Variants in GABRB2 observed in about 807,000 individuals in gnomAD.
GABRB2 encodes gamma-aminobutyric acid receptor subunit beta-2.
Under a neutral mutation model 54.7 loss-of-function variants are expected in GABRB2, and 16 were observed. That is an observed-to-expected ratio of 0.29 (90% CI 0.20 to 0.44). GABRB2 has a LOEUF of 0.44. GABRB2 is among the 20% of genes least tolerant of loss of function. GABRB2 has a pLI of 1.00. For synonymous variants in GABRB2, 244 were observed against 233.8 expected (o/e 1.04, Z -0.40); for missense variants, 355 against 644.0 (o/e 0.55, Z 4.86).
chr5:161,290,734 A>G lies in GABRB2; in HGVS notation c.*3347T>C, dbSNP rs759862239. ...TTTCTTGTTGAGTATGAAGGTAATC[A>G]TTAAACTGGAACACGGTTACCTATA... On this transcript the variant is annotated 3_prime_UTR_variant, in exon 10 of 10. Transcript: ENST00000393959. 2.0e-5 allele frequency: 3 copies of G among 152,572 alleles called. No homozygotes were observed. The highest frequency in any genetic ancestry group is 2.9e-5 in the Non-Finnish European group (2 of 68,004). 9.5% of individuals were successfully genotyped at this position (152,572 alleles called of 1,614,324 possible).
At chr5:161,403,713 C>T (rs532640914) in intron 5 of GABRB2, among the ~76,000 whole-genome samples, 126 of 152,120 alleles carry the variant, frequency 8.3e-4, no homozygotes, top group African/African-American at 2.8e-3. Flanking sequence ...TGAGTAACCA[C>T]ATAATAAGAA....
chr5:161,415,030 T>C (rs1756623805), intron 4 of GABRB2, among the ~76,000 whole-genome samples: 1 of 152,192 alleles, frequency 6.6e-6, no homozygotes, highest in East Asian at 1.9e-4. Context: ...ATAAACACAG[T>C]TAATGAGCTT....
intron 5 of GABRB2, among the ~76,000 whole-genome samples, chr5:161,406,612 T>C (rs1756354687): frequency 6.6e-6 from 1 of 152,020 alleles, no homozygotes; most frequent in South Asian, 2.1e-4. Flanking sequence ...TCTAACAGAC[T>C]TCATGTGAGC....
At chr5:161,537,288 C>T (rs1324697583) in intron 3 of GABRB2, among the ~76,000 whole-genome samples, 2 of 152,130 alleles carry the variant, frequency 1.3e-5, no homozygotes, top group Non-Finnish European at 1.5e-5. Context: ...TTAGAAGCAC[C>T]ACTTATATGC....
intron 3 of GABRB2, among the ~76,000 whole-genome samples, chr5:161,486,779 A>G (rs1758938481): frequency 6.6e-6 from 1 of 151,928 alleles, no homozygotes; most frequent in South Asian, 2.1e-4. Context: ...CATTTCAGAG[A>G]GGCTTCAGCT....
At chr5:161,398,715 G>C (rs1024612296) in intron 5 of GABRB2, among the ~76,000 whole-genome samples, 2 of 151,762 alleles carry the variant, frequency 1.3e-5, no homozygotes, top group Non-Finnish European at 2.9e-5. Context: ...TTTTGAGACA[G>C]AGTCTCGCTC....
chr5:161,384,853 A>G (rs1056434064), intron 5 of GABRB2, among the ~76,000 whole-genome samples: 2 of 152,110 alleles, frequency 1.3e-5, no homozygotes, highest in Non-Finnish European at 2.9e-5. Flanking sequence ...CCCCATTCTT[A>G]GAGTTGGGGG....
chr5:161,516,686 T>C (rs1423900699), intron 3 of GABRB2, among the ~76,000 whole-genome samples: 1 of 152,208 alleles, frequency 6.6e-6, no homozygotes, highest in Non-Finnish European at 1.5e-5. Context: ...CAATGGATTT[T>C]ATTATTGTAA....
At chr5:161,389,409 C>T (rs1457912106) in intron 5 of GABRB2, among the ~76,000 whole-genome samples, 1 of 151,992 alleles carries the variant, frequency 6.6e-6, no homozygotes, top group Non-Finnish European at 1.5e-5. Flanking sequence ...CTAATATCAT[C>T]TTGGTACTGA....
chr5:161,441,645 T>C (rs1407602242), intron 4 of GABRB2, among the ~76,000 whole-genome samples: 2 of 152,214 alleles, frequency 1.3e-5, no homozygotes, highest in Non-Finnish European at 2.9e-5. Flanking sequence ...AATAGATTTC[T>C]GTACTCCTAT....
intron 9 of GABRB2, among the ~76,000 whole-genome samples, chr5:161,317,648 TA>T (rs1249526729): frequency 1.3e-5 from 2 of 152,184 alleles, no homozygotes; most frequent in East Asian, 3.9e-4. Context: ...TATAATAGAA[TA>T]AGTACATGGA....
chr5:161,476,410 A>G (rs550135573), intron 3 of GABRB2, among the ~76,000 whole-genome samples: 1 of 151,988 alleles, frequency 6.6e-6, no homozygotes, highest in Admixed American at 6.6e-5. Context: ...TCTGAATAGC[A>G]CTATGGTATT....
intron 3 of GABRB2, among the ~76,000 whole-genome samples, chr5:161,474,462 T>C (rs943672762): frequency 6.6e-6 from 1 of 152,022 alleles, no homozygotes; most frequent in Non-Finnish European, 1.5e-5. Context: ...TGTTACATTT[T>C]AATTTAAGAA....
In GABRB2 at chr5:161,546,406, C is replaced by A. The variant is rs775606746; in HGVS notation, c.85G>T (p.Asp29Tyr). 21 of 1,613,464 alleles carry A rather than the reference C, an allele frequency of 1.3e-5. No individual in the cohort carries two copies. Among genetic ancestry groups the A allele is most frequent in the Non-Finnish European group, 1.4e-5 (16 of 1,179,548 alleles). The change falls in exon 2 of 10, where the codon GAC becomes TAC. Residue 29 changes from aspartate (D) to tyrosine (Y), a missense_variant. By Grantham distance (160) the Asp-to-Tyr change is radical. Around this residue, in one of 6 missense-constraint regions of GABRB2, gnomAD observed 42 missense variants for 43.0 expected, o/e 0.98. Coordinates refer to ENST00000393959, the MANE Select transcript of GABRB2 (RefSeq NM_001371727.1). ...IAAVCAQSVN[D>Y]PSNMSLVKET... ...TTAACCAGCGACATATTACTAGGGT[C>A]ATTGACACTAAAGAAAGAAATGACA...
At chr5:161,422,668 T>A (rs1450821259) in intron 4 of GABRB2, among the ~76,000 whole-genome samples, 1 of 152,172 alleles carries the variant, frequency 6.6e-6, no homozygotes, top group Non-Finnish European at 1.5e-5. Context: ...AAAAATGTTA[T>A]TAAGAGAATT....
At chr5:161,531,325 C>T (rs1760455523) in intron 3 of GABRB2, among the ~76,000 whole-genome samples, 1 of 152,050 alleles carries the variant, frequency 6.6e-6, no homozygotes. Flanking sequence ...ATTCTATATC[C>T]TCACAGAAAC....
At chr5:161,301,183 C>T (rs111917162) in intron 9 of GABRB2, among the ~76,000 whole-genome samples, 2 of 152,086 alleles carry the variant, frequency 1.3e-5, no homozygotes, top group African/African-American at 2.4e-5. Context: ...CAACTGCATT[C>T]TCAAAACTCT....
At chr5:161,394,284 C>A (rs2113051779) in intron 5 of GABRB2, among the ~76,000 whole-genome samples, 1 of 151,682 alleles carries the variant, frequency 6.6e-6, no homozygotes, top group South Asian at 2.1e-4. Context: ...ATCGGTGGCT[C>A]AAAGTATCAT....
At chr5:161,541,573 C>T (rs1561687865) in intron 3 of GABRB2, among the ~76,000 whole-genome samples, 1 of 152,244 alleles carries the variant, frequency 6.6e-6, no homozygotes, top group African/African-American at 2.4e-5. Context: ...TTTGCTAATA[C>T]ACCTTGCACT....
Sources: gnomAD v4.1 joint callset for allele counts (sites outside exome capture counted in the v4.1 genomes callset) on GRCh38, gnomAD v4.1.1 for gene constraint, gnomAD v4.1.1 regional missense constraint, MANE v1.5 for transcripts, NCBI Gene and HGNC (gene_info 2026-07-23, HGNC 2026-07-21) for gene names.